Variants in ARHGAP24 observed in about 807,000 individuals in gnomAD.
ARHGAP24 encodes the protein Rho GTPase activating protein 24.
A neutral mutation model predicts 76.4 loss-of-function variants in ARHGAP24; 50 were observed. That is an observed-to-expected ratio of 0.65 (90% CI 0.52 to 0.83). The LOEUF (loss-of-function observed/expected upper bound fraction) is 0.83. Among genes scored for constraint, ARHGAP24 ranks in the 40% least tolerant of loss-of-function variants. The probability of loss-of-function intolerance (pLI) is 0.00; values close to 1 mark genes in which losing one functional copy is unlikely to be tolerated. For synonymous variants in ARHGAP24, 345 were observed against 323.3 expected (o/e 1.07, Z -0.72); for missense variants, 930 against 914.2 (o/e 1.02, Z -0.22).
chr4:85,746,113 A>G (rs1266016325), intron 3 of ARHGAP24, among the ~76,000 whole-genome samples: 1 of 152,240 alleles, frequency 6.6e-6, no homozygotes, highest in Non-Finnish European at 1.5e-5. Context: ...AGTAGTGAAC[A>G]CAGTAATATA....
At chr4:85,503,658 GA>G (rs890098992) in intron 1 of ARHGAP24, among the ~76,000 whole-genome samples, 2 of 151,586 alleles carry the variant, frequency 1.3e-5, no homozygotes, top group African/African-American at 2.4e-5. Flanking sequence ...TGAAATTTTT[GA>G]AAAACCAGCT....
At chr4:85,949,392 G>A (rs1339737049) in intron 5 of ARHGAP24, among the ~76,000 whole-genome samples, 1 of 152,188 alleles carries the variant, frequency 6.6e-6, no homozygotes, top group Non-Finnish European at 1.5e-5. Flanking sequence ...GCAATGCTCG[G>A]CAGAAAAGCT....
intron 2 of ARHGAP24, among the ~76,000 whole-genome samples, chr4:85,590,351 TTTTTATTTTA>T (rs923245868): frequency 6.6e-6 from 1 of 151,464 alleles, no homozygotes; most frequent in Non-Finnish European, 1.5e-5. Flanking sequence ...TCCTTTTTAT[TTTTTATTTTA>T]TTTTATTTTA....
At chr4:85,867,953 T>C (rs1371309668) in intron 3 of ARHGAP24, among the ~76,000 whole-genome samples, 2 of 148,692 alleles carry the variant, frequency 1.3e-5, no homozygotes, top group East Asian at 4.0e-4. Flanking sequence ...CTGAGATGGG[T>C]CTCAATCAAT....
At chr4:85,564,352 T>A (rs772904978) in intron 1 of ARHGAP24, among the ~76,000 whole-genome samples, 58 of 149,998 alleles carry the variant, frequency 3.9e-4, no homozygotes, top group Non-Finnish European at 3.7e-4. Context: ...ATGAGAACAC[T>A]TGGACACAGG....
At chr4:85,596,929 AT>A (rs1457334212) in intron 2 of ARHGAP24, among the ~76,000 whole-genome samples, 1 of 152,062 alleles carries the variant, frequency 6.6e-6, no homozygotes, top group African/African-American at 2.4e-5. Context: ...GTCCAAATAT[AT>A]TTTTAAAAAA....
At position 85,874,673 on chromosome 4, in the gene ARHGAP24, T is replaced by C. The variant is rs183458121; in HGVS notation, c.269-48975T>C. ...TGAGGAAGTTCATGCCTAAGAAACA[T>C]GTAGCAGGAGATATTGTATTTAAAA... On this transcript the variant is annotated intron_variant, in intron 3 of 9. Transcript: ENST00000395184. Among the ~76,000 whole-genome samples, 543 of 149,366 alleles carry C rather than the reference T, an allele frequency of 3.6e-3. 8 individuals are homozygous for C. Among genetic ancestry groups the C allele is most frequent in the African/African-American group, 0.013 (525 of 39,998 alleles).
chr4:85,923,420 T>A (rs1243157600), intron 3 of ARHGAP24, among the ~76,000 whole-genome samples: 1 of 152,198 alleles, frequency 6.6e-6, no homozygotes, highest in Admixed American at 6.5e-5. Context: ...AACCCAGGCT[T>A]TGTTTAGAAA....
At chr4:85,988,096 A>G (rs1740111732) in intron 8 of ARHGAP24, among the ~76,000 whole-genome samples, 1 of 151,894 alleles carries the variant, frequency 6.6e-6, no homozygotes, top group African/African-American at 2.4e-5. Context: ...TTCAAATATA[A>G]AAAGGAGCTA....
chr4:85,619,367 T>C (rs191618202), intron 2 of ARHGAP24, among the ~76,000 whole-genome samples: 1 of 152,124 alleles, frequency 6.6e-6, no homozygotes, highest in East Asian at 1.9e-4. Flanking sequence ...GATTGCTCTA[T>C]ATTCGTAGTT....
intron 5 of ARHGAP24, among the ~76,000 whole-genome samples, chr4:85,969,310 T>C (rs765900316): frequency 1.3e-5 from 2 of 152,154 alleles, no homozygotes; most frequent in Admixed American, 1.3e-4. Flanking sequence ...AAATAGATCA[T>C]CAATGAAACT....
At chr4:85,622,724 G>C (rs1393830125) in intron 2 of ARHGAP24, among the ~76,000 whole-genome samples, 2 of 152,152 alleles carry the variant, frequency 1.3e-5, no homozygotes, top group African/African-American at 4.8e-5. Context: ...CAGTGTAAAA[G>C]TGTTCCTATT....
chr4:85,560,884 C>T (rs1007545127), intron 1 of ARHGAP24, among the ~76,000 whole-genome samples: 1 of 152,112 alleles, frequency 6.6e-6, no homozygotes, highest in South Asian at 2.1e-4. Flanking sequence ...TGTCTAGTAA[C>T]AACGGCAAAT....
At chr4:85,900,942 A>C (rs1266434960) in intron 3 of ARHGAP24, among the ~76,000 whole-genome samples, 2 of 152,214 alleles carry the variant, frequency 1.3e-5, no homozygotes, top group Non-Finnish European at 2.9e-5. Context: ...ATGGCCACAC[A>C]ACTGATGCTG....
At chr4:85,798,015 T>C (rs1338691268) in intron 3 of ARHGAP24, among the ~76,000 whole-genome samples, 1 of 152,134 alleles carries the variant, frequency 6.6e-6, no homozygotes, top group Non-Finnish European at 1.5e-5. Flanking sequence ...TTCTAGATCA[T>C]AAAAGGAAAT....
intron 2 of ARHGAP24, among the ~76,000 whole-genome samples, chr4:85,580,135 G>A (rs1476594937): frequency 2.7e-5 from 4 of 148,438 alleles, no homozygotes; most frequent in African/African-American, 9.7e-5. Flanking sequence ...TGTGTGTGTG[G>A]TGGGGGGGGA....
At chr4:85,719,672 C>A (rs1402346012) in intron 2 of ARHGAP24, among the ~76,000 whole-genome samples, 1 of 152,166 alleles carries the variant, frequency 6.6e-6, no homozygotes, top group Non-Finnish European at 1.5e-5. Context: ...CTCAACAATA[C>A]ACATTTTTAG....
At chr4:85,953,242 CCA>C (rs1363712027) in intron 5 of ARHGAP24, among the ~76,000 whole-genome samples, 2 of 152,178 alleles carry the variant, frequency 1.3e-5, no homozygotes, top group Admixed American at 1.3e-4. Context: ...AGCTGCCCAC[CCA>C]CATACTCAGT....
At chr4:85,561,141 G>C (rs1726580132) in intron 1 of ARHGAP24, among the ~76,000 whole-genome samples, 1 of 152,162 alleles carries the variant, frequency 6.6e-6, no homozygotes. Flanking sequence ...ATGTGATAAG[G>C]GTCATGTCCA....
Sources: allele counts gnomAD v4.1 joint callset (sites outside exome capture counted in the v4.1 genomes callset), GRCh38; gene constraint gnomAD v4.1.1; transcripts MANE v1.5; gene names NCBI Gene and HGNC (gene_info 2026-07-23, HGNC 2026-07-21).